The following TNPO3 variants were observed in gnomAD, a reference collection of about 807,000 sequenced individuals.
TNPO3 encodes transportin-3.
Under a neutral mutation model 122.8 loss-of-function variants are expected in TNPO3, and 65 were observed. The ratio of observed to expected loss-of-function variants is 0.53; its 90% confidence interval spans 0.43 to 0.65. The LOEUF is 0.65. Among genes scored for constraint, TNPO3 ranks in the 30% least tolerant of loss-of-function variants. The probability of loss-of-function intolerance (pLI) is 0.00; values close to 1 mark genes in which losing one functional copy is unlikely to be tolerated. For missense variants in TNPO3, 850 were observed against 1,136.7 expected, an observed-to-expected ratio of 0.75 and a Z score of 3.63; for synonymous variants, 372 against 411.2, an observed-to-expected ratio of 0.90 and a Z score of 1.15.
intron 4 of TNPO3, among the ~76,000 whole-genome samples, chr7:129,009,150 T>C (rs1315889403): frequency 6.6e-6 from 1 of 152,110 alleles, no homozygotes; most frequent in Non-Finnish European, 1.5e-5. Context: ...TAAATAAGAA[T>C]TGAGATCTTA....
chr7:129,028,788 T>C, intron 1 of TNPO3: 1 of 247,826 alleles, frequency 4.0e-6, no homozygotes, highest in Non-Finnish European at 7.9e-6. Context: ...AGGCAGGATT[T>C]GGAATTCCTG....
At chr7:129,051,505 T>C (rs1808763053) in intron 1 of TNPO3, among the ~76,000 whole-genome samples, 1 of 152,068 alleles carries the variant, frequency 6.6e-6, no homozygotes, top group Non-Finnish European at 1.5e-5. Context: ...CCAACTAATT[T>C]TCCTATTTTT....
chr7:129,027,549 A>C, intron 1 of TNPO3, among the ~76,000 whole-genome samples: 1 of 122,036 alleles, frequency 8.2e-6, no homozygotes, highest in African/African-American at 3.1e-5. Context: ...CAACAGAGCA[A>C]GACTGTCTCA....
At chr7:128,991,040 G>A (rs533992695) in intron 10 of TNPO3, among the ~76,000 whole-genome samples, 3 of 152,118 alleles carry the variant, frequency 2.0e-5, no homozygotes, top group South Asian at 2.1e-4. Flanking sequence ...GTCAATTAAC[G>A]AAGACTATCT....
Position 129,005,047 on chromosome 7 carries a change from T to C in TNPO3, c.665A>G (p.Asn222Ser), listed in dbSNP as rs758578183. ...CTCAAAAAGGAGTGCTAGTAATTTA[T>C]TGTTAGCCATGAAGTTACTGTCCAA... ...GVLDSNFMAN[N>S]KLLALLFEVL... is the part of the protein sequence containing the mutation. Residue 222 changes from asparagine (N) to serine (S), a missense_variant, in exon 5 of 23, where the codon AAT (asparagine) becomes AGT (serine). Transcript: ENST00000265388. The C allele has an allele frequency of 3.1e-6, 5 of 1,613,752 alleles. No individual in the cohort carries two copies. The highest frequency in any genetic ancestry group is 4.2e-6 in the Non-Finnish European group (5 of 1,179,818).
chr7:128,993,387 A>G (rs1414476505), intron 9 of TNPO3, among the ~76,000 whole-genome samples: 2 of 152,198 alleles, frequency 1.3e-5, no homozygotes, highest in African/African-American at 4.8e-5. Context: ...CAGGAATCTA[A>G]CCATAAGTGT....
chr7:129,045,088 A>C (rs1043917448), intron 1 of TNPO3, among the ~76,000 whole-genome samples: 3 of 152,226 alleles, frequency 2.0e-5, no homozygotes, highest in Admixed American at 6.5e-5. Flanking sequence ...CTAAGTGAGA[A>C]TAGCCCATCA....
At chr7:129,033,606 TC>T (rs1806207052) in intron 1 of TNPO3, among the ~76,000 whole-genome samples, 1 of 152,102 alleles carries the variant, frequency 6.6e-6, no homozygotes. Context: ...TGGCTATATA[TC>T]TAAAAGAACT....
chr7:128,961,798 ACT>A lies in TNPO3; in HGVS notation c.2712-4485_2712-4484del, dbSNP rs145593945. 4.7e-3 allele frequency among the ~76,000 whole-genome samples: 708 copies of A among 152,106 alleles called. 7 individuals are homozygous for A. Among genetic ancestry groups the A allele is most frequent in the African/African-American group, 0.017 (687 of 41,502 alleles). On this transcript the variant is annotated intron_variant, in intron 21 of 22. Coordinates refer to ENST00000265388, the MANE Select transcript of TNPO3 (RefSeq NM_012470.4). ...CTGGTAGGTAACAGAAAATAATGAA[ACT>A]CTGATGACTTGACTAGGGATTCAAC...
intron 1 of TNPO3, among the ~76,000 whole-genome samples, chr7:129,041,184 T>C (rs1428715663): frequency 1.3e-5 from 2 of 152,000 alleles, no homozygotes; most frequent in Admixed American, 6.6e-5. Context: ...GGAGACAACA[T>C]AGCAAGATCC....
chr7:128,955,366 T>G lies in TNPO3; in HGVS notation c.*51A>C, dbSNP rs1412888216. On this transcript the variant is annotated 3_prime_UTR_variant, in exon 23 of 23. Coordinates refer to ENST00000265388, the MANE Select transcript of TNPO3 (RefSeq NM_012470.4). ...TCTGGTTTTTGTTTTCTTCCTGTCTTCTAATTAAAAAAGACATTCCTGACA... is the reference window on the plus strand; with the variant it reads ...TCTGGTTTTTGTTTTCTTCCTGTCTGCTAATTAAAAAAGACATTCCTGACA... The G allele has an allele frequency of 4.4e-6, 2 of 456,244 alleles. No individual in the cohort carries two copies. The highest frequency in any genetic ancestry group is 4.7e-5 in the Admixed American group (2 of 42,476). 28.3% of individuals were successfully genotyped at this position (456,244 alleles called of 1,614,324 possible).
At chr7:129,044,219 C>A (rs553406792) in intron 1 of TNPO3, among the ~76,000 whole-genome samples, 2 of 152,208 alleles carry the variant, frequency 1.3e-5, no homozygotes, top group African/African-American at 2.4e-5. Flanking sequence ...TGAGCCACTG[C>A]GCCTGGCCTT....
upstream of TNPO3, chr7:129,055,937 A>T (rs1719127618): frequency 1.5e-6 from 1 of 659,254 alleles, no homozygotes; most frequent in Admixed American, 2.6e-5. Context: ...ATCTCATTTA[A>T]TCCGCCTAAC....
intron 4 of TNPO3, among the ~76,000 whole-genome samples, chr7:129,012,926 C>T (rs1274331725): frequency 6.6e-6 from 1 of 152,038 alleles, no homozygotes. Flanking sequence ...GGCAGCCAAC[C>T]CATAAACTAT....
intron 1 of TNPO3, among the ~76,000 whole-genome samples, chr7:129,044,319 T>G (rs1054906449): frequency 6.6e-6 from 1 of 152,166 alleles, no homozygotes; most frequent in African/African-American, 2.4e-5. Context: ...GCTTTGAAGA[T>G]AACTGTTAAA....
intron 21 of TNPO3, 71 bp downstream of exon 21, chr7:128,967,209 G>T: frequency 9.8e-7 from 1 of 1,015,634 alleles, no homozygotes; most frequent in Non-Finnish European, 1.5e-6. Context: ...ATTTCCCAAG[G>T]GCACATAAGA....
intron 1 of TNPO3, among the ~76,000 whole-genome samples, chr7:129,038,740 C>A (rs1232937242): frequency 1.3e-5 from 2 of 152,270 alleles, no homozygotes; most frequent in East Asian, 1.9e-4. Context: ...ATCAGAAAAC[C>A]AAATACCACA....
rs553637874 is a variant in TNPO3 at position 128,986,815 on chromosome 7, G to C, written c.1604C>G (p.Ala535Gly). The change falls in exon 12 of 23, where the codon GCT (alanine) becomes GGT (glycine). Residue 535 changes from alanine to glycine, a missense_variant. Transcript: ENST00000265388. ...NICSVCRDHM[A>G]QHFNGLLEIA... ...CTCCAGGAGTCCATTAAAGTGCTGAGCCATGTGATCTCGGCAGACAGAGCA... is the reference window on the plus strand; with the variant it reads ...CTCCAGGAGTCCATTAAAGTGCTGACCCATGTGATCTCGGCAGACAGAGCA... The C allele has an allele frequency of 1.2e-6, 2 of 1,614,152 alleles. No individual in the cohort carries two copies. Among genetic ancestry groups the C allele is most frequent in the Admixed American group, 1.7e-5 (1 of 60,016 alleles).
intron 1 of TNPO3, among the ~76,000 whole-genome samples, chr7:129,025,026 C>T (rs1804945189): frequency 6.6e-6 from 1 of 151,140 alleles, no homozygotes; most frequent in Admixed American, 6.6e-5. Context: ...CAGAGAGAAC[C>T]TGCAGATTAA....
Sources: gnomAD v4.1 joint callset for allele counts (sites outside exome capture counted in the v4.1 genomes callset) on GRCh38, gnomAD v4.1.1 for gene constraint, MANE v1.5 for transcripts, NCBI Gene and HGNC (gene_info 2026-07-23, HGNC 2026-07-21) for gene names.